The following MTUS2 variants were observed in gnomAD, a reference collection of about 807,000 sequenced individuals.
MTUS2 encodes the protein microtubule associated scaffold protein 2.
In MTUS2, 40 loss-of-function variants were observed where a neutral mutation model predicts 114.1. That is an observed-to-expected ratio of 0.35 (90% CI 0.27 to 0.46). The LOEUF is 0.46. Among genes scored for constraint, MTUS2 ranks in the 20% least tolerant of loss-of-function variants. The probability of loss-of-function intolerance (pLI) is 1.00; values close to 1 mark genes in which losing one functional copy is unlikely to be tolerated. For synonymous variants in MTUS2, 688 were observed against 672.0 expected (o/e 1.02, Z -0.37); for missense variants, 1,679 against 1,705.4 (o/e 0.98, Z 0.27).
intron 2 of MTUS2, among the ~76,000 whole-genome samples, chr13:28,947,309 C>T (rs1002020036): frequency 7.2e-5 from 11 of 152,120 alleles, no homozygotes; most frequent in Non-Finnish European, 1.6e-4. Flanking sequence ...GATGGCTGTG[C>T]AACCTGGAAC....
intron 2 of MTUS2, among the ~76,000 whole-genome samples, chr13:28,868,680 G>A (rs925006203): frequency 6.6e-6 from 1 of 152,150 alleles, no homozygotes; most frequent in Non-Finnish European, 1.5e-5. Context: ...CACCATCAGT[G>A]TCATTCTCTC....
At chr13:29,194,399 A>G (rs1362132831) in intron 5 of MTUS2, among the ~76,000 whole-genome samples, 54 of 150,494 alleles carry the variant, frequency 3.6e-4, no homozygotes, top group Non-Finnish European at 9.0e-5. Flanking sequence ...AATTTACAAG[A>G]AAAAAACAAA....
intron 2 of MTUS2, among the ~76,000 whole-genome samples, chr13:28,908,955 C>T (rs1880226336): frequency 6.6e-6 from 1 of 151,544 alleles, no homozygotes; most frequent in Non-Finnish European, 1.5e-5. Context: ...GAATCCTTTC[C>T]CCATTTCTTG....
At chr13:29,452,929 T>C (rs1422947916) in intron 9 of MTUS2, among the ~76,000 whole-genome samples, 1 of 152,172 alleles carries the variant, frequency 6.6e-6, no homozygotes, top group Non-Finnish European at 1.5e-5. Flanking sequence ...GTGTATAGTT[T>C]ACAAAGCTCT....
chr13:29,439,121 A>G (rs1209495980), intron 8 of MTUS2, among the ~76,000 whole-genome samples: 1 of 152,352 alleles, frequency 6.6e-6, no homozygotes, highest in Admixed American at 6.5e-5. Flanking sequence ...AGTCCATGCT[A>G]CAGAATGACA....
intron 2 of MTUS2, among the ~76,000 whole-genome samples, chr13:28,982,938 T>C (rs1884424348): frequency 6.6e-6 from 1 of 152,128 alleles, no homozygotes; most frequent in African/African-American, 2.4e-5. Context: ...TGAAAAGAGT[T>C]CTGGAGATGG....
intron 5 of MTUS2, among the ~76,000 whole-genome samples, chr13:29,221,330 T>C (rs1593184594): frequency 6.6e-6 from 1 of 152,392 alleles, no homozygotes; most frequent in African/African-American, 2.4e-5. Flanking sequence ...CAAAGTATTT[T>C]CCAATTAACA....
intron 5 of MTUS2, among the ~76,000 whole-genome samples, chr13:29,155,721 AT>A (rs1892831456): frequency 6.6e-6 from 1 of 152,190 alleles, no homozygotes. Context: ...TTCATTATAT[AT>A]ATAAGCAGAA....
chr13:28,963,746 G>A (rs898243523), intron 2 of MTUS2, among the ~76,000 whole-genome samples: 1 of 152,122 alleles, frequency 6.6e-6, no homozygotes, highest in Middle Eastern at 3.2e-3. Flanking sequence ...CTTCCATCCC[G>A]TCACTCCATG....
intron 8 of MTUS2, among the ~76,000 whole-genome samples, chr13:29,429,280 A>G (rs1458192085): frequency 6.6e-6 from 1 of 152,256 alleles, no homozygotes; most frequent in African/African-American, 2.4e-5. Flanking sequence ...TTAGTTAGGC[A>G]TGTTTTTCTT....
intron 2 of MTUS2, among the ~76,000 whole-genome samples, chr13:28,995,261 T>C (rs1434726647): frequency 1.3e-5 from 2 of 152,224 alleles, no homozygotes; most frequent in East Asian, 3.9e-4. Flanking sequence ...TTGATCTATA[T>C]CTCTGTTTTG....
intron 4 of MTUS2, among the ~76,000 whole-genome samples, chr13:29,098,882 C>T (rs925633823): frequency 3.3e-5 from 5 of 152,066 alleles, no homozygotes; most frequent in African/African-American, 7.2e-5. Flanking sequence ...TCTCCTCACT[C>T]GATTTTGCAT....
chr13:29,137,318 T>C (rs1892020469), intron 5 of MTUS2, among the ~76,000 whole-genome samples: 1 of 152,330 alleles, frequency 6.6e-6, no homozygotes, highest in Middle Eastern at 3.4e-3. Context: ...TGTTTCTTGG[T>C]GTGGGCCTCT....
chr13:29,485,897 T>G (rs1291466726), intron 10 of MTUS2, among the ~76,000 whole-genome samples: 1 of 136,128 alleles, frequency 7.3e-6, no homozygotes, highest in African/African-American at 2.8e-5. Context: ...TCTCCTGAAC[T>G]GTGTAGCAAC....
chr13:28,992,488 A>G (rs1354659843), intron 2 of MTUS2, among the ~76,000 whole-genome samples: 1 of 152,174 alleles, frequency 6.6e-6, no homozygotes, highest in Non-Finnish European at 1.5e-5. Context: ...TGACGGCTGC[A>G]CATGGACTAG....
In MTUS2 at chr13:29,324,632, G is replaced by C; in HGVS notation, c.2826G>C (p.Gln942His). 6.3e-7 allele frequency: 1 copy of C among 1,588,570 alleles called. No individual in the cohort carries two copies. Among genetic ancestry groups the C allele is most frequent in the South Asian group, 1.2e-5 (1 of 86,682 alleles). ...STPAGTKKDA[Q>H]KDQDTNKPAV... ...ACACAGGAACAAAGAAAGATGCTCA[G>C]AAAGATCAAGATACGAATAAACCTG... Residue 942 changes from glutamine to histidine, a missense_variant, in exon 7 of 16, where the codon CAG becomes CAC. Transcript: ENST00000612955.
chr13:28,981,898 G>C (rs921281618), intron 2 of MTUS2, among the ~76,000 whole-genome samples: 1 of 152,208 alleles, frequency 6.6e-6, no homozygotes, highest in Non-Finnish European at 1.5e-5. Context: ...GGGTATGAGC[G>C]TATCTGGTTC....
In MTUS2 at chr13:28,823,909, G is replaced by A. The variant is rs73452647; in HGVS notation, c.-316+3298G>A. Among the ~76,000 whole-genome samples the A allele has an allele frequency of 3.1e-3, 477 of 152,210 alleles. 2 individuals are homozygous for A. The highest frequency in any genetic ancestry group is 0.026 in the South Asian group (125 of 4,816). ...AATGAGCAAAAGGGGGAAAAACACC[G>A]TATAAAACCAGCAGATTTCATGAGA... On this transcript the variant is annotated intron_variant, in intron 1 of 15. Transcript: ENST00000612955.
chr13:29,391,867 G>T (rs555409097), intron 8 of MTUS2, among the ~76,000 whole-genome samples: 1 of 152,130 alleles, frequency 6.6e-6, no homozygotes, highest in South Asian at 2.1e-4. Flanking sequence ...GCCGGGCGCA[G>T]TGGCTCACAC....
Sources: gnomAD v4.1 joint callset for allele counts (sites outside exome capture counted in the v4.1 genomes callset) on GRCh38, gnomAD v4.1.1 for gene constraint, MANE v1.5 for transcripts, NCBI Gene and HGNC (gene_info 2026-07-23, HGNC 2026-07-21) for gene names.